Variants in ZFYVE26 observed in about 807,000 individuals in gnomAD.
ZFYVE26 encodes the protein zinc finger FYVE-type containing 26.
Under a neutral mutation model 276.5 loss-of-function variants are expected in ZFYVE26, and 181 were observed. The observed-to-expected ratio is 0.65, with a 90% confidence interval of 0.58 to 0.74. The LOEUF (loss-of-function observed/expected upper bound fraction) is 0.74. Among genes scored for constraint, ZFYVE26 ranks in the 30% least tolerant of loss-of-function variants. ZFYVE26 has a pLI of 0.00. For missense variants in ZFYVE26, 2,821 were observed against 3,097.9 expected, an observed-to-expected ratio of 0.91 and a Z score of 2.12; for synonymous variants, 1,129 against 1,203.1, an observed-to-expected ratio of 0.94 and a Z score of 1.27.
chr14:67,731,302 C>T (rs2038271557), intron 13 of ZFYVE26, among the ~76,000 whole-genome samples: 1 of 150,242 alleles, frequency 6.7e-6, no homozygotes, highest in Non-Finnish European at 1.5e-5. Context: ...GCAACCTCCA[C>T]CTCCTGGGTT....
At position 67,783,537 on chromosome 14, in the gene ZFYVE26, G is replaced by A. The variant is rs1481695228; in HGVS notation, c.3627-12C>T. 1 of 1,610,826 alleles carries A rather than the reference G, an allele frequency of 6.2e-7. No homozygotes were observed. Among genetic ancestry groups the A allele is most frequent in the Admixed American group, 1.7e-5 (1 of 60,022 alleles). The stretch of plus-strand genomic sequence containing the variant: ...GAAGGGCTGCCAGTCTGGAAGGAGA[G>A]AAGCAGAAAGCATACAAGGCCTGAA... On this transcript the variant is annotated splice_polypyrimidine_tract_variant and intron_variant, in intron 20 of 41. Transcript: ENST00000347230.
chr14:67,755,569 A>T (rs2038757738), intron 36 of ZFYVE26, among the ~76,000 whole-genome samples: 1 of 152,202 alleles, frequency 6.6e-6, no homozygotes. Context: ...GACTATCCTC[A>T]GGCAGATTGG....
At chr14:67,801,401 T>C (rs1245991747) in intron 10 of ZFYVE26, among the ~76,000 whole-genome samples, 1 of 152,218 alleles carries the variant, frequency 6.6e-6, no homozygotes, top group Non-Finnish European at 1.5e-5. Context: ...TACTCCTCAA[T>C]TCTATTTCCA....
intron 12 of ZFYVE26, among the ~76,000 whole-genome samples, chr14:67,795,411 T>C (rs1175514298): frequency 6.6e-6 from 1 of 152,268 alleles, no homozygotes; most frequent in Non-Finnish European, 1.5e-5. Context: ...AACTCCTTCA[T>C]GAAATCTGTT....
intron 3 of ZFYVE26, among the ~76,000 whole-genome samples, chr14:67,811,999 A>G (rs1408212466): frequency 1.3e-5 from 2 of 150,782 alleles, no homozygotes; most frequent in African/African-American, 4.8e-5. Flanking sequence ...TTCTCACTGA[A>G]GGAGAACAAT....
At chr14:67,781,582 CAA>C (rs1338202009) in intron 21 of ZFYVE26, 53 bp from the exon 22 acceptor site, 15 of 1,555,652 alleles carry the variant, frequency 9.6e-6, no homozygotes, top group Non-Finnish European at 1.2e-5. Flanking sequence ...CAGAAGAGTT[CAA>C]GAGTCCAGGT....
intron 14 of ZFYVE26, among the ~76,000 whole-genome samples, chr14:67,792,519 A>G (rs1243158772): frequency 3.3e-5 from 5 of 152,222 alleles, no homozygotes; most frequent in African/African-American, 1.2e-4. Context: ...AGAGAGGTTC[A>G]GTCTTTCTGA....
In ZFYVE26 at chr14:67,785,940, C is replaced by T. The variant is rs1412659616; in HGVS notation, c.3222G>A (p.Glu1074=). ...GGGTGGTGTGGCTGGCAACACAGTC[C>T]TCGCTTAGGCTGGGCCAGCACATCT... ...LLQMCWPSLS[E]DCVASHTTLS... The change falls in exon 18 of 42, where the codon GAG becomes GAA. Residue 1074 remains glutamate, a synonymous_variant. Coordinates refer to ENST00000347230, the MANE Select transcript of ZFYVE26 (RefSeq NM_015346.4). 7.4e-6 allele frequency: 12 copies of T among 1,614,100 alleles called. No homozygotes were observed. The highest frequency in any genetic ancestry group is 1.7e-5 in the Admixed American group (1 of 60,002).
At chr14:67,802,372 T>TA in intron 9 of ZFYVE26, 90 bp from the exon 10 acceptor site, 6 of 1,329,966 alleles carry the variant, frequency 4.5e-6, no homozygotes, top group Non-Finnish European at 6.4e-6. Context: ...GTGCCATACT[T>TA]AGAGGTCCAC....
At position 67,781,332 on chromosome 14, in the gene ZFYVE26, C is replaced by T; in HGVS notation, c.4569+1G>A. On this transcript the variant is annotated splice_donor_variant, in intron 22 of 41. Transcript: ENST00000347230. LOFTEE classifies it high-confidence loss of function. ...CTTTCTCTTGATGCGAGGGCCCATA[C>T]CTTCTGATACACCTGCAGCTCCGCC... 6.2e-7 allele frequency: 1 copy of T among 1,614,110 alleles called. No homozygotes were observed. The highest frequency in any genetic ancestry group is 8.5e-7 in the Non-Finnish European group (1 of 1,180,014).
chr14:67,814,152 T>G, intron 2 of ZFYVE26, 88 bp from the exon 3 acceptor site: 1 of 1,099,440 alleles, frequency 9.1e-7, no homozygotes, highest in Non-Finnish European at 1.4e-6. Context: ...CATTGCTTAT[T>G]CTGTTTTAAA....
chr14:67,794,961 T>C (rs577857258), intron 12 of ZFYVE26, among the ~76,000 whole-genome samples: 1 of 151,938 alleles, frequency 6.6e-6, no homozygotes, highest in Non-Finnish European at 1.5e-5. Flanking sequence ...TTAAAAAAAA[T>C]GTAGGGAACC....
downstream of ZFYVE26, among the ~76,000 whole-genome samples, chr14:67,743,058 G>C (rs972501915): frequency 1.3e-5 from 2 of 150,956 alleles, no homozygotes; most frequent in Non-Finnish European, 3.0e-5. Context: ...GGCTGGTCTC[G>C]AACTCCTGGG....
In ZFYVE26 at chr14:67,785,074, A is replaced by C. The variant is rs2039611854; in HGVS notation, c.3508T>G (p.Leu1170Val). 1 of 1,614,158 alleles carries C rather than the reference A, an allele frequency of 6.2e-7. No homozygotes were observed. Among genetic ancestry groups the C allele is most frequent in the Non-Finnish European group, 8.5e-7 (1 of 1,180,018 alleles). ...STLAAVLLQS[L>V]SSEPDHVEVK... ...TGCTACCTACCAGGCTCAGAGCTCA[A>C]ACTTTGAAGGAGAACTGCAGCAAGG... Residue 1170 changes from leucine to valine, a missense_variant, in exon 19 of 42, where the codon TTG (leucine) becomes GTG (valine). Coordinates refer to ENST00000347230, the MANE Select transcript of ZFYVE26 (RefSeq NM_015346.4).
chr14:67,807,373 A>G, intron 5 of ZFYVE26, 25 bp downstream of exon 5: 1 of 1,613,778 alleles, frequency 6.2e-7, no homozygotes, highest in South Asian at 1.1e-5. Flanking sequence ...CTGAAACTAA[A>G]GGAGCAGCAG....
At chr14:67,812,819 C>A (rs914873627) in intron 3 of ZFYVE26, among the ~76,000 whole-genome samples, 2 of 152,176 alleles carry the variant, frequency 1.3e-5, no homozygotes, top group Non-Finnish European at 2.9e-5. Flanking sequence ...TAATCAGTAA[C>A]AATAGTTCTT....
chr14:67,814,063 A>C lies in ZFYVE26; in HGVS notation c.196T>G (p.Cys66Gly). ...CTTTGAGGGTTGATGTCCTGCCCAC[A>C]TCTGAAAAAGGTAAAAAGAAAGACT... is the stretch of plus-strand genomic sequence containing the variant. ...ALVVCPNLLR[C>G]GQDINPQRVA... The change falls in exon 3 of 42, where the codon TGT (cysteine) becomes GGT (glycine). Residue 66 changes from cysteine (C) to glycine (G), a missense_variant and splice_region_variant. Physicochemically the swap from Cys to Gly is radical, Grantham distance 159. Transcript: ENST00000347230. The C allele has an allele frequency of 6.2e-7, 1 of 1,612,870 alleles. No individual in the cohort carries two copies.
intron 35 of ZFYVE26, among the ~76,000 whole-genome samples, chr14:67,757,584 T>C (rs569925546): frequency 1.4e-3 from 216 of 152,318 alleles, no homozygotes; most frequent in Non-Finnish European, 2.5e-3. Context: ...ATCTACAATA[T>C]CTATTTTATT....
chr14:67,745,490 A>C (rs2038472569), downstream of ZFYVE26, among the ~76,000 whole-genome samples: 1 of 150,878 alleles, frequency 6.6e-6, no homozygotes, highest in Non-Finnish European at 1.5e-5. Context: ...TTTTTTTCAC[A>C]TGAGAAATTG....
Sources: allele counts gnomAD v4.1 joint callset (sites outside exome capture counted in the v4.1 genomes callset), GRCh38; gene constraint gnomAD v4.1.1; transcripts MANE v1.5; gene names NCBI Gene and HGNC (gene_info 2026-07-23, HGNC 2026-07-21).